Variants in SRGAP3 observed in about 807,000 individuals in gnomAD.
SRGAP3 encodes SLIT-ROBO Rho GTPase activating protein 3, also known as SLIT-ROBO Rho GTPase-activating protein 3.
Under a neutral mutation model 121.1 loss-of-function variants are expected in SRGAP3, and 39 were observed. That is an observed-to-expected ratio of 0.32 (90% CI 0.25 to 0.42). SRGAP3 has a LOEUF of 0.42. Among genes scored for constraint, SRGAP3 ranks in the 10% least tolerant of loss-of-function variants. The probability of loss-of-function intolerance (pLI) is 1.00; values close to 1 mark genes in which losing one functional copy is unlikely to be tolerated. For missense variants in SRGAP3, 1,213 were observed against 1,470.6 expected (o/e 0.82, Z 2.86); for synonymous variants, 601 against 570.0 (o/e 1.05, Z -0.77).
intron 3 of SRGAP3, among the ~76,000 whole-genome samples, chr3:9,273,750 G>A (rs1206471569): frequency 1.3e-5 from 2 of 149,942 alleles, no homozygotes; most frequent in African/African-American, 4.9e-5. Flanking sequence ...ACTATTTGGA[G>A]TTAATTTTTG....
chr3:8,994,650 A>C, intron 18 of SRGAP3, 127 bp from the exon 19 acceptor site: 1 of 1,248,202 alleles, frequency 8.0e-7, no homozygotes, highest in Non-Finnish European at 1.1e-6. Context: ...CATGGACAGA[A>C]CGCCTGGTGG....
chr3:9,266,930 C>T (rs1347459937), intron 3 of SRGAP3, among the ~76,000 whole-genome samples: 5 of 152,186 alleles, frequency 3.3e-5, no homozygotes, highest in African/African-American at 1.2e-4. Context: ...CCTCCTCCTC[C>T]TCTGTCTAAT....
At chr3:9,080,124 G>A (rs1947170282) in intron 3 of SRGAP3, 37 bp from the exon 4 acceptor site, 3 of 1,609,064 alleles carry the variant, frequency 1.9e-6, no homozygotes, top group African/African-American at 1.3e-5. Flanking sequence ...CGGGGGAGAA[G>A]TTTGCTGGCT....
rs571321050 is a variant in SRGAP3 at position 9,144,117 on chromosome 3, G to A, written c.68-19200C>T. Among the ~76,000 whole-genome samples, 85 of 152,024 alleles carry A rather than the reference G, an allele frequency of 5.6e-4. No individual in the cohort carries two copies. In the South Asian group the frequency reaches 0.017, roughly 31 times the overall value. On this transcript the variant is annotated intron_variant, in intron 1 of 21. Transcript: ENST00000383836. ...AAAAATCAAATTCATGCTACCACTAGCAAGTTCCTATTCTCCTCCCTCTCT... is the reference window on the plus strand; with the variant it reads ...AAAAATCAAATTCATGCTACCACTAACAAGTTCCTATTCTCCTCCCTCTCT...
In SRGAP3 at chr3:9,332,206, G is replaced by A. The variant is rs139911663; in HGVS notation, n.215-1610C>T. On this transcript the variant is annotated intron_variant and non_coding_transcript_variant, in intron 1 of 3. Coordinates refer to the SRGAP3 transcript ENST00000490889. ...TGCCATCTTGGCTCACTGCAAACTC[G>A]CCTCCCAGGTTCAAACAATTTTCAT... Among the ~76,000 whole-genome samples, 1,250 of 152,150 alleles carry A rather than the reference G, an allele frequency of 8.2e-3. 13 individuals carry two copies. Among genetic ancestry groups the A allele is most frequent in the African/African-American group, 0.027 (1,126 of 41,516 alleles).
intron 20 of SRGAP3, among the ~76,000 whole-genome samples, chr3:8,992,032 T>A (rs1942087900): frequency 6.6e-6 from 1 of 152,184 alleles, no homozygotes; most frequent in Non-Finnish European, 1.5e-5. Context: ...CCTTCTCAAT[T>A]CCACCACAGT....
intron 1 of SRGAP3, among the ~76,000 whole-genome samples, chr3:9,154,341 C>G (rs1327354890): frequency 1.3e-5 from 2 of 152,128 alleles, no homozygotes; most frequent in Admixed American, 6.5e-5. Context: ...CAACGTAACT[C>G]AAAATAGACT....
At chr3:9,330,655 T>A (rs572733603) in intron 1 of SRGAP3, 2 of 152,364 alleles carry the variant, frequency 1.3e-5, no homozygotes, top group African/African-American at 2.4e-5. Flanking sequence ...GAGCAATGAA[T>A]GATTTGTGAA....
At chr3:9,163,451 G>A in intron 1 of SRGAP3, among the ~76,000 whole-genome samples, 1 of 152,220 alleles carries the variant, frequency 6.6e-6, no homozygotes, top group Middle Eastern at 3.2e-3. Flanking sequence ...TTTTGGTATT[G>A]ACCGAAGGCG....
rs768735076 is a variant in SRGAP3, at chr3:9,064,373, C to T, written c.672+23G>A. 3.7e-6 allele frequency: 6 copies of T among 1,614,128 alleles called. No homozygotes were observed. In the Admixed American group the frequency reaches 5.0e-5, roughly 13 times the overall value. On this transcript the variant is annotated intron_variant, in intron 5 of 21. Coordinates refer to ENST00000383836, the MANE Select transcript of SRGAP3 (RefSeq NM_014850.4). ...CCTTTGTGCCCTGTCCCCAATCGCT[C>T]CCAGCCCAGGGCCCCCACTCACCTT...
At chr3:9,322,809 T>A (rs1955459080) in intron 3 of SRGAP3, among the ~76,000 whole-genome samples, 1 of 151,808 alleles carries the variant, frequency 6.6e-6, no homozygotes, top group Non-Finnish European at 1.5e-5. Flanking sequence ...ATTGTTTACA[T>A]ACACTTACCA....
chr3:9,319,347 A>G (rs1955403075), intron 3 of SRGAP3, among the ~76,000 whole-genome samples: 1 of 151,824 alleles, frequency 6.6e-6, no homozygotes, highest in Admixed American at 6.5e-5. Context: ...GACCCAGAAT[A>G]CTCATCAGGG....
At chr3:9,030,958 T>C (rs1052449404) in intron 12 of SRGAP3, among the ~76,000 whole-genome samples, 24 of 152,260 alleles carry the variant, frequency 1.6e-4, no homozygotes, top group Non-Finnish European at 2.1e-4. Context: ...TTCTTTTTTT[T>C]TGTTGTTTAT....
intron 3 of SRGAP3, among the ~76,000 whole-genome samples, chr3:9,285,340 T>C (rs1175507524): frequency 6.6e-6 from 1 of 152,206 alleles, no homozygotes; most frequent in African/African-American, 2.4e-5. Flanking sequence ...CTCTAAAATA[T>C]GACACCTTGG....
intron 1 of SRGAP3, among the ~76,000 whole-genome samples, chr3:9,180,958 T>C (rs1951376480): frequency 6.6e-6 from 1 of 152,208 alleles, no homozygotes; most frequent in South Asian, 2.1e-4. Context: ...TAGGAGAAAC[T>C]GTGTTCAGAC....
At chr3:9,028,538 T>G (rs366848) in intron 12 of SRGAP3, among the ~76,000 whole-genome samples, 122,720 of 152,090 alleles carry the variant, frequency 0.81, 50,143 homozygotes, top group African/African-American at 0.94. Flanking sequence ...CATAAGTTAT[T>G]CCCAGCTGCC....
At chr3:9,174,739 C>G (rs1302901159) in intron 1 of SRGAP3, among the ~76,000 whole-genome samples, 1 of 152,230 alleles carries the variant, frequency 6.6e-6, no homozygotes, top group African/African-American at 2.4e-5. Context: ...GAATCTGCTA[C>G]TTCTCCTCCA....
chr3:9,002,820 C>G (rs1025328491), intron 18 of SRGAP3, among the ~76,000 whole-genome samples: 5 of 151,834 alleles, frequency 3.3e-5, no homozygotes, highest in African/African-American at 1.2e-4. Context: ...CAATTATATG[C>G]CAACAAGTTG....
At chr3:9,163,959 C>A (rs2125082699) in intron 1 of SRGAP3, among the ~76,000 whole-genome samples, 1 of 150,280 alleles carries the variant, frequency 6.7e-6, no homozygotes, top group South Asian at 2.1e-4. Flanking sequence ...TGTAGCATCT[C>A]CTTTAATGCT....
Sources: gnomAD v4.1 joint callset for allele counts (sites outside exome capture counted in the v4.1 genomes callset) on GRCh38, gnomAD v4.1.1 for gene constraint, MANE v1.5 for transcripts, NCBI Gene and HGNC (gene_info 2026-07-23, HGNC 2026-07-21) for gene names.